Variants in GCNT2 observed in about 807,000 individuals in gnomAD.
GCNT2 encodes N-acetyllactosaminide beta-1,6-N-acetylglucosaminyl-transferase.
In GCNT2, 34 loss-of-function variants were observed where a neutral mutation model predicts 34.2. That is an observed-to-expected ratio of 1.00 (90% CI 0.76 to 1.32). The LOEUF is 1.32. GCNT2 is among the 40% of genes most tolerant of loss of function. The pLI, the probability that GCNT2 is intolerant of heterozygous loss-of-function variation, is 0.00. For missense variants in GCNT2, 584 were observed against 489.4 expected (o/e 1.19, Z -1.82); for synonymous variants, 212 against 188.0 (o/e 1.13, Z -1.04).
At chr6:10,562,163 C>G (rs759072712) in intron 3 of GCNT2, among the ~76,000 whole-genome samples, 1 of 152,106 alleles carries the variant, frequency 6.6e-6, no homozygotes, top group Non-Finnish European at 1.5e-5. Context: ...TGTGGGGAGA[C>G]CAACTGTCCC....
chr6:10,586,515 G>A, intron 3 of GCNT2: 1 of 1,614,192 alleles, frequency 6.2e-7, no homozygotes, highest in Non-Finnish European at 8.5e-7. Flanking sequence ...CTGTCTGAAA[G>A]ACCTTGTCGC....
rs181222795 is a variant in GCNT2, at chr6:10,618,741, C to G, written c.926-2610C>G. Among the ~76,000 whole-genome samples the G allele has an allele frequency of 6.7e-5, 7 of 104,310 alleles. No homozygotes were observed. The East Asian group carries it at 2.2e-3, about 32-fold the overall frequency. 68.4% of individuals were successfully genotyped at this position (104,310 alleles called of 152,430 possible). ...TTTAAAATGTGTGTTAAGAACAAAACAAGGTAGCTTCCTTTAGATAGGCAA... is the reference window on the plus strand; with the variant it reads ...TTTAAAATGTGTGTTAAGAACAAAAGAAGGTAGCTTCCTTTAGATAGGCAA... On this transcript the variant is annotated intron_variant, in intron 3 of 4. Coordinates refer to ENST00000495262, the MANE Select transcript of GCNT2 (RefSeq NM_145649.5).
chr6:10,556,899 A>C (rs147047890), intron 3 of GCNT2: 1 of 1,614,040 alleles, frequency 6.2e-7, no homozygotes, highest in Admixed American at 1.7e-5. Flanking sequence ...CCCGTTGTCT[A>C]TGGAGGGATC....
chr6:10,549,320 C>A lies in GCNT2; in HGVS notation c.925+19484C>A, dbSNP rs553019660. On this transcript the variant is annotated intron_variant, in intron 3 of 4. Coordinates refer to ENST00000495262, the MANE Select transcript of GCNT2 (RefSeq NM_145649.5). ...TATTATGAATATGGCTGCAGCGAATCTTGACTTAGATATCTTTTGATGAAT... is the reference window on the plus strand; with the variant it reads ...TATTATGAATATGGCTGCAGCGAATATTGACTTAGATATCTTTTGATGAAT... Among the ~76,000 whole-genome samples, 7 of 152,196 alleles carry A rather than the reference C, an allele frequency of 4.6e-5. No individual in the cohort carries two copies. The South Asian group carries it at 8.3e-4, about 18-fold the overall frequency.
intron 3 of GCNT2, among the ~76,000 whole-genome samples, chr6:10,563,079 C>T (rs1221498096): frequency 3.3e-5 from 5 of 151,972 alleles, no homozygotes; most frequent in Non-Finnish European, 5.9e-5. Context: ...CACTTGAACC[C>T]GGGAGGCAGA....
chr6:10,605,764 G>C (rs9379582), intron 3 of GCNT2, among the ~76,000 whole-genome samples: 86,181 of 151,786 alleles, frequency 0.57, 24,748 homozygotes, highest in East Asian at 0.65. Flanking sequence ...TATCTACTTT[G>C]TAAAAGAAAA....
intron 3 of GCNT2, among the ~76,000 whole-genome samples, chr6:10,544,441 A>G (rs1405739063): frequency 6.7e-6 from 1 of 149,040 alleles, no homozygotes; most frequent in African/African-American, 2.5e-5. Context: ...CATCTCTACT[A>G]AAAACGCAAA....
chr6:10,586,899 C>T (rs1187399893), intron 3 of GCNT2: 3 of 1,612,522 alleles, frequency 1.9e-6, no homozygotes, highest in Non-Finnish European at 2.5e-6. Flanking sequence ...CTGGGTGACA[C>T]TTAATAGGGT....
intron 3 of GCNT2, among the ~76,000 whole-genome samples, chr6:10,601,786 C>CA (rs1765094204): frequency 6.6e-6 from 1 of 151,778 alleles, no homozygotes; most frequent in Non-Finnish European, 1.5e-5. Context: ...ACTAAAAATA[C>CA]AAAAATTAGC....
intron 3 of GCNT2, among the ~76,000 whole-genome samples, chr6:10,602,752 T>C (rs1163651022): frequency 6.6e-6 from 1 of 152,234 alleles, no homozygotes; most frequent in Non-Finnish European, 1.5e-5. Flanking sequence ...TCTGCATTTA[T>C]ATCTAGCTGG....
At position 10,572,696 on chromosome 6, in the gene GCNT2, T is replaced by C. The variant is rs1763606928; in HGVS notation, c.925+42860T>C. 4.0e-5 allele frequency among the ~76,000 whole-genome samples: 6 copies of C among 151,896 alleles called. No homozygotes were observed. The South Asian group carries it at 1.0e-3, about 26-fold the overall frequency. On this transcript the variant is annotated intron_variant, in intron 3 of 4. Transcript: ENST00000495262. ...TTGCAGTGAGCTGAGATTGTGCCAC[T>C]GCACTCCAGCCTGGATGACAGAGCG...
At chr6:10,532,835 T>A (rs2113531798) in intron 3 of GCNT2, among the ~76,000 whole-genome samples, 1 of 152,186 alleles carries the variant, frequency 6.6e-6, no homozygotes, top group African/African-American at 2.4e-5. Context: ...GTTTAATTAT[T>A]ATTCCGGCTA....
intron 1 of GCNT2, among the ~76,000 whole-genome samples, chr6:10,522,384 A>G (rs1760960997): frequency 6.6e-6 from 1 of 152,160 alleles, no homozygotes; most frequent in Admixed American, 6.5e-5. Context: ...GTTTTGCCAA[A>G]CTCAAAGCTA....
chr6:10,565,707 C>CTTGGTAAATT (rs1200532418), intron 3 of GCNT2, among the ~76,000 whole-genome samples: 1 of 152,164 alleles, frequency 6.6e-6, no homozygotes, highest in African/African-American at 2.4e-5. Flanking sequence ...GTAAATTCTT[C>CTTGGTAAATT]CTGGTAAATT....
rs1450397007 is a variant in GCNT2, at chr6:10,537,709, AAAAAAAAAAAAAAAAAAC to A, written c.925+7878_925+7895del. On this transcript the variant is annotated intron_variant, in intron 3 of 4. Coordinates refer to ENST00000495262, the MANE Select transcript of GCNT2 (RefSeq NM_145649.5). ...GGGAGATTCTGCCGCAAAAAAAAAA[AAAAAAAAAAAAAAAAAAC>A]AAAACAAAGAAAACGAAAGAAAATG... Among the ~76,000 whole-genome samples the A allele has an allele frequency of 4.4e-4, 25 of 56,504 alleles. 1 individual carries two copies. In the South Asian group the frequency reaches 0.02, roughly 45 times the overall value. 37.1% of individuals were successfully genotyped at this position (56,504 alleles called of 152,430 possible).
intron 3 of GCNT2, among the ~76,000 whole-genome samples, chr6:10,607,657 A>G (rs879492101): frequency 6.6e-6 from 1 of 152,182 alleles, no homozygotes; most frequent in Non-Finnish European, 1.5e-5. Flanking sequence ...TATCATTTGA[A>G]TGCAATATAA....
intron 3 of GCNT2, among the ~76,000 whole-genome samples, chr6:10,544,183 G>A (rs1377167190): frequency 1.3e-5 from 2 of 151,902 alleles, no homozygotes; most frequent in East Asian, 3.9e-4. Context: ...GCGTGGTGGT[G>A]TGCGCCTGTA....
At chr6:10,543,446 C>T (rs927034715) in intron 3 of GCNT2, among the ~76,000 whole-genome samples, 5 of 152,200 alleles carry the variant, frequency 3.3e-5, no homozygotes, top group African/African-American at 9.7e-5. Flanking sequence ...CTGCCTCGGC[C>T]TCCCAAAGTT....
intron 3 of GCNT2, among the ~76,000 whole-genome samples, chr6:10,620,661 A>T (rs1407526304): frequency 6.6e-6 from 1 of 152,132 alleles, no homozygotes; most frequent in South Asian, 2.1e-4. Context: ...GATTACAGGC[A>T]TGAACCACTA....
Sources: gnomAD v4.1 joint callset for allele counts (sites outside exome capture counted in the v4.1 genomes callset) on GRCh38, gnomAD v4.1.1 for gene constraint, MANE v1.5 for transcripts, NCBI Gene and HGNC (gene_info 2026-07-23, HGNC 2026-07-21) for gene names.